The following GSN variants were observed in gnomAD, a reference collection of about 807,000 sequenced individuals.
The protein encoded by GSN is gelsolin.
GSN carries 56 observed loss-of-function variants against 85.7 expected under a neutral mutation model. That is an observed-to-expected ratio of 0.65 (90% CI 0.53 to 0.82). The LOEUF (loss-of-function observed/expected upper bound fraction) is 0.82, where lower values mean the gene tolerates loss of function less well. Among genes scored for constraint, GSN ranks in the 40% least tolerant of loss-of-function variants. GSN has a pLI of 0.00. For missense variants in GSN, 857 were observed against 979.8 expected (o/e 0.87, Z 1.67); for synonymous variants, 373 against 399.1 (o/e 0.93, Z 0.78).
At chr9:121,324,519 T>G (rs1437064000) in intron 11 of GSN, 35 bp from the exon 12 acceptor site, 5 of 1,075,904 alleles carry the variant, frequency 4.6e-6, no homozygotes, top group Non-Finnish European at 5.6e-6. Flanking sequence ...GGGCTCTGTG[T>G]GCACCCTGAT....
rs759577779 is a variant in GSN, at chr9:121,286,112, G to T, written c.-10+4550G>T. 4.6e-6 allele frequency: 7 copies of T among 1,535,498 alleles called. No individual in the cohort carries two copies. The South Asian group carries it at 8.3e-5, about 18-fold the overall frequency. On this transcript the variant is annotated intron_variant, in intron 2 of 17. Transcript: ENST00000432226. ...AGATGATTAGGTTGGCCTGTGTCAGGAGAGGCCCACATAGCTCCCCCCAGC... is the reference window on the plus strand; with the variant it reads ...AGATGATTAGGTTGGCCTGTGTCAGTAGAGGCCCACATAGCTCCCCCCAGC...
At chr9:121,296,829 C>G (rs1282886954) in intron 2 of GSN, among the ~76,000 whole-genome samples, 1 of 152,228 alleles carries the variant, frequency 6.6e-6, no homozygotes, top group African/African-American at 2.4e-5. Context: ...GTAGTGAGGG[C>G]TCCCAGAGGG....
intron 6 of GSN, among the ~76,000 whole-genome samples, chr9:121,255,242 C>T (rs2054928550): frequency 6.6e-6 from 1 of 152,094 alleles, no homozygotes. Context: ...ACCACCGCAC[C>T]CGGCCATTTA....
At chr9:121,297,691 T>G (rs1324184531) in intron 2 of GSN, 1 of 152,252 alleles carries the variant, frequency 6.6e-6, no homozygotes, top group Non-Finnish European at 1.5e-5. Context: ...CCAGGCACAA[T>G]CAGACGTAGC....
At chr9:121,314,072 G>A in intron 7 of GSN, 49 bp downstream of exon 7, 1 of 1,426,384 alleles carries the variant, frequency 7.0e-7, no homozygotes, top group Non-Finnish European at 9.9e-7. Flanking sequence ...AGGACAGGGA[G>A]GTGGAAGACT....
chr9:121,274,079 C>G (rs2056357212), intron 1 of GSN, among the ~76,000 whole-genome samples: 1 of 152,170 alleles, frequency 6.6e-6, no homozygotes, highest in South Asian at 2.1e-4. Context: ...CTACTTTGCT[C>G]CATAATTAAG....
chr9:121,331,873 G>C (rs2063949178), intron 17 of GSN: 1 of 193,546 alleles, frequency 5.2e-6, no homozygotes, highest in Non-Finnish European at 1.1e-5. Flanking sequence ...GGGCAACATA[G>C]TGAAACCTCA....
intron 2 of GSN, chr9:121,283,729 T>G (rs910126367): frequency 4.2e-5 from 7 of 167,082 alleles, no homozygotes; most frequent in Non-Finnish European, 1.0e-4. Flanking sequence ...ATTTGAGAGA[T>G]ATTTAGGCTC....
At chr9:121,286,704 G>C (rs1209630680) in intron 2 of GSN, 2 of 1,535,424 alleles carry the variant, frequency 1.3e-6, no homozygotes, top group Non-Finnish European at 1.7e-6. Flanking sequence ...AACAGCCACT[G>C]TGGCCATCAT....
chr9:121,286,317 T>C (rs2058069611), intron 2 of GSN: 1 of 649,922 alleles, frequency 1.5e-6, no homozygotes, highest in Non-Finnish European at 2.6e-6. Flanking sequence ...ATGAAACCAG[T>C]TCCAATTCTA....
rs748245559 is a variant in GSN at position 121,228,403 on chromosome 9, CATAT to C, written c.-527-2743_-527-2740del. ...TTAAGTATAGAATCTCATTGATTAA[CATAT>C]ATATATATATATATATATTTTTTTT... is the stretch of plus-strand genomic sequence containing the variant. On this transcript the variant is annotated intron_variant, in intron 4 of 24. Coordinates refer to the GSN transcript ENST00000373823. Among the ~76,000 whole-genome samples, 395 of 63,162 alleles carry C rather than the reference CATAT, an allele frequency of 6.3e-3. 5 individuals carry two copies. Among genetic ancestry groups the C allele is most frequent in the Middle Eastern group, 8.5e-3 (1 of 118 alleles). 41.4% of individuals were successfully genotyped at this position (63,162 alleles called of 152,430 possible).
intron 5 of GSN, among the ~76,000 whole-genome samples, chr9:121,236,508 C>T (rs898362910): frequency 2.0e-5 from 3 of 152,086 alleles, no homozygotes; most frequent in Non-Finnish European, 4.4e-5. Context: ...CCACCATGCC[C>T]GGCCAACATG....
chr9:121,310,974 G>A (rs41273432), intron 5 of GSN, 129 bp downstream of exon 5: 12 of 792,496 alleles, frequency 1.5e-5, no homozygotes, highest in Admixed American at 1.0e-4. Context: ...CATTGTTCAC[G>A]TACAGATATG....
At chr9:121,294,043 A>G (rs1588863690) in intron 2 of GSN, among the ~76,000 whole-genome samples, 1 of 152,244 alleles carries the variant, frequency 6.6e-6, no homozygotes, top group Non-Finnish European at 1.5e-5. Flanking sequence ...CCACGATCAC[A>G]TAACAGAAGG....
Position 121,298,535 on chromosome 9 carries a change from G to A in GSN, c.-9-3428G>A, listed in dbSNP as rs148358707. 1.1e-4 allele frequency among the ~76,000 whole-genome samples: 17 copies of A among 152,260 alleles called. 1 individual carries two copies. The highest frequency in any genetic ancestry group is 2.5e-4 in the Non-Finnish European group (17 of 68,032). On this transcript the variant is annotated intron_variant, in intron 2 of 17. Transcript: ENST00000432226. ...AAGGGGGACCATAGTTTCTGGGGAGGGGTGGAGAACTCACATTTACCTAGC... is the reference window on the plus strand; with the variant it reads ...AAGGGGGACCATAGTTTCTGGGGAGAGGTGGAGAACTCACATTTACCTAGC...
At position 121,299,934 on chromosome 9, in the gene GSN, G is replaced by T; in HGVS notation, c.-9-2029G>T. ...GGCGCTGTGCGCGCTGTCGCTGCCC[G>T]TCCGCGCGGCCACTGCGTCGCGGGG... On this transcript the variant is annotated intron_variant, in intron 2 of 17. Transcript: ENST00000432226. This position sits in a 1 kb window ranked among gnomAD's most constrained non-coding sequence, Gnocchi z 4.2. The T allele has an allele frequency of 7.9e-7, 1 of 1,260,718 alleles. No individual in the cohort carries two copies. The highest frequency in any genetic ancestry group is 3.3e-5 in the East Asian group (1 of 30,618). The allele number at this position is 1,260,718 out of a possible 1,614,324, so 78.1% of individuals were successfully genotyped here. A position where few individuals can be genotyped will look rare whatever the true frequency, so the allele number is the denominator to read the frequency against.
intron 5 of GSN, among the ~76,000 whole-genome samples, chr9:121,245,857 A>T (rs1043567736): frequency 6.6e-6 from 1 of 152,114 alleles, no homozygotes; most frequent in Non-Finnish European, 1.5e-5. Context: ...GGCTCAAGTG[A>T]CCCTCTTGCC....
At chr9:121,214,175 TCTC>T (rs1034979716) in intron 4 of GSN, among the ~76,000 whole-genome samples, 42 of 151,616 alleles carry the variant, frequency 2.8e-4, no homozygotes, top group African/African-American at 8.2e-4. Context: ...TTCTCCCTTC[TCTC>T]CTCCTCCTTT....
chr9:121,332,356 G>A lies in GSN; in HGVS notation c.2027-78G>A. On this transcript the variant is annotated intron_variant, in intron 17 of 17. Coordinates refer to ENST00000432226, the MANE Select transcript of GSN (RefSeq NM_198252.3). This position sits in a 1 kb window ranked among gnomAD's most constrained non-coding sequence, Gnocchi z 4.8. ...TAGACCCTCTTCTTTGTCAACTCCT[G>A]TCCTGAGTCACCCTCTCCCTGGTGT... is the stretch of plus-strand genomic sequence containing the variant. 2 of 1,294,804 alleles carry A rather than the reference G, an allele frequency of 1.5e-6. No homozygotes were observed. The highest frequency in any genetic ancestry group is 2.3e-5 in the East Asian group (1 of 43,430). The allele number at this position is 1,294,804 out of a possible 1,614,324, so 80.2% of individuals were successfully genotyped here.
Sources: gnomAD v4.1 joint callset for allele counts (sites outside exome capture counted in the v4.1 genomes callset) on GRCh38, gnomAD v4.1.1 for gene constraint, Gnocchi (gnomAD v3.1) non-coding constraint, MANE v1.5 for transcripts, NCBI Gene and HGNC (gene_info 2026-07-23, HGNC 2026-07-21) for gene names.